NRXN1: variants seen among roughly 807,000 people sequenced by gnomAD.
NRXN1 encodes the protein neurexin-1.
NRXN1 carries 39 observed loss-of-function variants against 150.9 expected under a neutral mutation model. The observed-to-expected ratio is 0.26, with a 90% confidence interval of 0.20 to 0.34. The LOEUF is 0.34. Among genes scored for constraint, NRXN1 ranks in the 10% least tolerant of loss-of-function variants. NRXN1 has a pLI of 1.00. For missense variants in NRXN1, 1,815 were observed against 1,949.9 expected, an observed-to-expected ratio of 0.93 and a Z score of 1.30; for synonymous variants, 924 against 757.0, an observed-to-expected ratio of 1.22 and a Z score of -3.62.
chr2:50,448,765 C>T (rs1234247493), intron 17 of NRXN1, among the ~76,000 whole-genome samples: 2 of 152,126 alleles, frequency 1.3e-5, no homozygotes, highest in Non-Finnish European at 2.9e-5. Flanking sequence ...GCTTTGGCAG[C>T]CGACAATCCA....
At chr2:50,590,030 A>C (rs1245939777) in intron 8 of NRXN1, among the ~76,000 whole-genome samples, 1 of 152,244 alleles carries the variant, frequency 6.6e-6, no homozygotes, top group East Asian at 1.9e-4. Context: ...TATTTATGGA[A>C]CACCTGTCAT....
chr2:51,002,288 T>A (rs567197644), intron 2 of NRXN1, among the ~76,000 whole-genome samples: 1 of 152,080 alleles, frequency 6.6e-6, no homozygotes, highest in Non-Finnish European at 1.5e-5. Context: ...TCCTAAGTGT[T>A]CTCTGACACA....
chr2:50,779,793 CAAAACAAAATAAAAT>C (rs1367624455), intron 5 of NRXN1, among the ~76,000 whole-genome samples: 1 of 150,544 alleles, frequency 6.6e-6, no homozygotes, highest in African/African-American at 2.5e-5. Context: ...TAAAATAAAA[CAAAACAAAATAAAAT>C]AAAATAAAAT....
chr2:50,244,177 G>A (rs1427423806), intron 17 of NRXN1, among the ~76,000 whole-genome samples: 4 of 151,662 alleles, frequency 2.6e-5, no homozygotes, highest in Non-Finnish European at 1.5e-5. Context: ...AAAGAGTATG[G>A]TACATGAAAA....
intron 21 of NRXN1, among the ~76,000 whole-genome samples, chr2:50,051,278 C>G (rs1692670522): frequency 6.6e-6 from 1 of 151,900 alleles, no homozygotes; most frequent in Admixed American, 6.6e-5. Context: ...TACTAATTGA[C>G]AAAATACATA....
intron 17 of NRXN1, among the ~76,000 whole-genome samples, chr2:50,363,684 G>A (rs758759056): frequency 2.6e-5 from 4 of 152,174 alleles, no homozygotes; most frequent in African/African-American, 9.7e-5. Flanking sequence ...ACAGTGTGGC[G>A]ATTCCTCATA....
chr2:50,509,961 C>T (rs1452574015), intron 12 of NRXN1, among the ~76,000 whole-genome samples: 1 of 152,050 alleles, frequency 6.6e-6, no homozygotes, highest in African/African-American at 2.4e-5. Context: ...GAACAAACAC[C>T]AGAGCGTCCC....
At chr2:50,591,800 G>A (rs1439315065) in intron 8 of NRXN1, among the ~76,000 whole-genome samples, 1 of 152,240 alleles carries the variant, frequency 6.6e-6, no homozygotes, top group Non-Finnish European at 1.5e-5. Flanking sequence ...GCCCCAGTGT[G>A]CATGCTAAAT....
In NRXN1 at chr2:51,027,784, C is replaced by T. The variant is rs1415234353; in HGVS notation, c.490G>A (p.Ala164Thr). 2 of 1,612,704 alleles carry T rather than the reference C, an allele frequency of 1.2e-6. No individual in the cohort carries two copies. The highest frequency in any genetic ancestry group is 2.2e-5 in the East Asian group (1 of 44,786). The change falls in exon 2 of 23, where the codon GCC becomes ACC. Residue 164 changes from alanine (A) to threonine (T), a missense_variant. By Grantham distance (58) the Ala-to-Thr change is moderately conservative. Transcript: ENST00000401669. ...FVGGLPPELR[A>T]AALKLTLASV... is the part of the protein sequence containing the mutation. Reference sequence around the variant, plus strand: ...GCCAGGGTGAGCTTGAGCGCCGCGGCGCGCAGTTCCGGGGGCAGCCCCCCG... The same window carrying T: ...GCCAGGGTGAGCTTGAGCGCCGCGGTGCGCAGTTCCGGGGGCAGCCCCCCG...
At chr2:50,794,957 A>G (rs922048051) in intron 5 of NRXN1, among the ~76,000 whole-genome samples, 1 of 152,146 alleles carries the variant, frequency 6.6e-6, no homozygotes, top group Non-Finnish European at 1.5e-5. Context: ...TAAATGACCT[A>G]CTTAGGTGTC....
At chr2:50,072,370 C>G (rs985979298) in intron 19 of NRXN1, among the ~76,000 whole-genome samples, 2 of 151,996 alleles carry the variant, frequency 1.3e-5, no homozygotes, top group Non-Finnish European at 2.9e-5. Context: ...GTGACATTGT[C>G]TTATTTAAAT....
chr2:50,875,847 T>C (rs746203112), intron 5 of NRXN1, among the ~76,000 whole-genome samples: 4 of 151,850 alleles, frequency 2.6e-5, no homozygotes, highest in African/African-American at 4.8e-5. Flanking sequence ...CTCAGGCTTA[T>C]AGCACATTGC....
chr2:50,528,595 A>G (rs1394161738), intron 12 of NRXN1, 30 bp downstream of exon 12: 2 of 1,295,920 alleles, frequency 1.5e-6, no homozygotes. Context: ...TGGAGGAATA[A>G]CATTTTAAAA....
At chr2:50,510,547 C>A (rs1337686035) in intron 12 of NRXN1, among the ~76,000 whole-genome samples, 1 of 144,572 alleles carries the variant, frequency 6.9e-6, no homozygotes, top group South Asian at 2.2e-4. Flanking sequence ...AAAGAAAGAC[C>A]ATAGCCTTAT....
chr2:50,432,368 T>A (rs954363650), intron 17 of NRXN1: 1 of 152,326 alleles, frequency 6.6e-6, no homozygotes, highest in African/African-American at 2.4e-5. Flanking sequence ...AAAGAAATAC[T>A]GTCTAACCCA....
chr2:50,582,580 G>A (rs1672451357), intron 8 of NRXN1, among the ~76,000 whole-genome samples: 1 of 147,240 alleles, frequency 6.8e-6, no homozygotes, highest in South Asian at 2.2e-4. Flanking sequence ...TACGAACAGA[G>A]ACAGGGGAAG....
At chr2:50,019,807 G>A (rs1312710020) in intron 21 of NRXN1, among the ~76,000 whole-genome samples, 1 of 150,402 alleles carries the variant, frequency 6.6e-6, no homozygotes, top group African/African-American at 2.4e-5. Flanking sequence ...AATTAGCTGG[G>A]CATGGTGGCG....
chr2:49,946,299 CAGAT>C (rs1672878746), intron 21 of NRXN1, among the ~76,000 whole-genome samples: 1 of 151,990 alleles, frequency 6.6e-6, no homozygotes, highest in Non-Finnish European at 1.5e-5. Flanking sequence ...CTTTGTCAGA[CAGAT>C]AGATTGCAAA....
intron 5 of NRXN1, among the ~76,000 whole-genome samples, chr2:50,629,863 A>G (rs1328554217): frequency 6.6e-6 from 1 of 151,654 alleles, no homozygotes; most frequent in Non-Finnish European, 1.5e-5. Context: ...TTTAAAAAAT[A>G]TATATATACG....
Sources: gnomAD v4.1 joint callset for allele counts (sites outside exome capture counted in the v4.1 genomes callset) on GRCh38, gnomAD v4.1.1 for gene constraint, MANE v1.5 for transcripts, NCBI Gene and HGNC (gene_info 2026-07-23, HGNC 2026-07-21) for gene names.